ANK2: variants seen among roughly 807,000 people sequenced by gnomAD.
ANK2 encodes the protein ankyrin-2.
A neutral mutation model predicts 360.5 loss-of-function variants in ANK2; 83 were observed. The ratio of observed to expected loss-of-function variants is 0.23; its 90% CI spans 0.19 to 0.28. The LOEUF (loss-of-function observed/expected upper bound fraction) is 0.28. Ranked by LOEUF, ANK2 falls within the 10% of genes least tolerant of loss-of-function variation. The probability of loss-of-function intolerance (pLI) is 1.00; values close to 1 mark genes in which losing one functional copy is unlikely to be tolerated. For synonymous variants in ANK2, 1,740 were observed against 1,759.5 expected, an observed-to-expected ratio of 0.99 and a Z score of 0.28; for missense variants, 4,201 against 4,795.7, an observed-to-expected ratio of 0.88 and a Z score of 3.66.
chr4:113,367,943 T>A (rs1367243348), intron 42 of ANK2, 92 bp downstream of exon 42: 2 of 1,477,632 alleles, frequency 1.4e-6, no homozygotes, highest in Non-Finnish European at 9.4e-7. Flanking sequence ...AGTTTTTAAA[T>A]ACTTTTTAAA....
intron 1 of ANK2, among the ~76,000 whole-genome samples, chr4:112,835,782 T>G (rs2060864186): frequency 6.6e-6 from 1 of 152,214 alleles, no homozygotes; most frequent in African/African-American, 2.4e-5. Context: ...TCTGCTAAAA[T>G]TTGAGGAATA....
At chr4:112,758,433 TAG>T in the ANK2 span, among the ~76,000 whole-genome samples, 1 of 152,244 alleles carries the variant, frequency 6.6e-6, no homozygotes, top group East Asian at 1.9e-4. Context: ...TTTTTTGAGA[TAG>T]AGTCTCACTC....
chr4:113,114,252 C>G (rs2094554363), intron 1 of ANK2, among the ~76,000 whole-genome samples: 1 of 152,026 alleles, frequency 6.6e-6, no homozygotes, highest in Non-Finnish European at 1.5e-5. Context: ...AGAGCCATCC[C>G]AAGGAAAGAT....
At chr4:113,148,518 G>T (rs763209602) in intron 1 of ANK2, among the ~76,000 whole-genome samples, 2 of 151,778 alleles carry the variant, frequency 1.3e-5, no homozygotes, top group Admixed American at 1.3e-4. Flanking sequence ...CAGGTTTTTC[G>T]TATGAGCTTT....
intron 1 of ANK2, among the ~76,000 whole-genome samples, chr4:112,824,077 C>T (rs979886312): frequency 3.9e-5 from 6 of 152,016 alleles, no homozygotes; most frequent in Admixed American, 2.0e-4. Flanking sequence ...GGAGAGTTTC[C>T]TTGTAAAAAT....
chr4:112,847,618 A>G (rs1460305639), intron 1 of ANK2, among the ~76,000 whole-genome samples: 1 of 152,152 alleles, frequency 6.6e-6, no homozygotes, highest in African/African-American at 2.4e-5. Flanking sequence ...AATATCTGTA[A>G]TGACCTTCCA....
intron 2 of ANK2, among the ~76,000 whole-genome samples, chr4:112,988,914 C>T (rs893881478): frequency 6.6e-6 from 1 of 152,114 alleles, no homozygotes; most frequent in African/African-American, 2.4e-5. Flanking sequence ...TTCTGATGGT[C>T]TCCTAATAGT....
chr4:112,746,847 T>TA, the ANK2 span, among the ~76,000 whole-genome samples: 1 of 152,208 alleles, frequency 6.6e-6, no homozygotes, highest in African/African-American at 2.4e-5. Flanking sequence ...TATTCAATGA[T>TA]AAAAAAGACA....
At chr4:112,900,110 C>A (rs1467243122) in intron 1 of ANK2, among the ~76,000 whole-genome samples, 1 of 152,138 alleles carries the variant, frequency 6.6e-6, no homozygotes, top group Non-Finnish European at 1.5e-5. Context: ...AAATCGTCAT[C>A]ATTTTACTAA....
At chr4:113,025,902 G>A (rs1248933773) in intron 2 of ANK2, among the ~76,000 whole-genome samples, 1 of 152,062 alleles carries the variant, frequency 6.6e-6, no homozygotes, top group East Asian at 1.9e-4. Context: ...ATGATATAAA[G>A]GTGAACTTAT....
intron 2 of ANK2, among the ~76,000 whole-genome samples, chr4:112,919,788 C>T (rs892448274): frequency 2.0e-5 from 3 of 151,910 alleles, no homozygotes; most frequent in African/African-American, 7.3e-5. Context: ...AATACAAAAG[C>T]GAACTTTAAG....
Position 113,358,324 on chromosome 4 carries a change from C to A in ANK2, c.9706C>A (p.Leu3236Ile). Residue 3236 changes from leucine (L) to isoleucine (I), a missense_variant, in exon 38 of 46, where the codon CTC becomes ATC. By Grantham distance (5) the Leu-to-Ile change is conservative. This residue lies in a region of ANK2 where 2,642 missense variants were observed against 2,714.5 expected (regional missense o/e 0.97). Transcript: ENST00000357077. ...CGTGCAAACGGGTGATATACCTCCT[C>A]TCTCTGGTGTAAAGCAGATATCCTG... ...PTVQTGDIPPLSGVKQISCPD... is the reference protein window; with the variant it reads ...PTVQTGDIPPISGVKQISCPD... The A allele has an allele frequency of 6.2e-7, 1 of 1,613,548 alleles. No individual in the cohort carries two copies. The highest frequency in any genetic ancestry group is 8.5e-7 in the Non-Finnish European group (1 of 1,179,570).
chr4:113,142,676 G>A (rs1443053658), intron 1 of ANK2, among the ~76,000 whole-genome samples: 1 of 151,952 alleles, frequency 6.6e-6, no homozygotes, highest in Non-Finnish European at 1.5e-5. Flanking sequence ...TATTCACCAA[G>A]CAGAAAGTTT....
chr4:113,193,196 A>T (rs1417894084), intron 2 of ANK2, among the ~76,000 whole-genome samples: 1 of 152,218 alleles, frequency 6.6e-6, no homozygotes, highest in Non-Finnish European at 1.5e-5. Flanking sequence ...ACATTAAATT[A>T]TCATTTGGGA....
chr4:113,163,425 G>A (rs747606480), intron 1 of ANK2, among the ~76,000 whole-genome samples: 1 of 151,902 alleles, frequency 6.6e-6, no homozygotes, highest in East Asian at 1.9e-4. Context: ...AGAAAAATGG[G>A]CTTTTGTCAT....
the ANK2 span, among the ~76,000 whole-genome samples, chr4:112,713,015 G>T: frequency 2.6e-5 from 4 of 152,090 alleles, no homozygotes; most frequent in East Asian, 5.8e-4. Context: ...TCAAACAAAG[G>T]CTTCTCCTAC....
chr4:112,745,643 C>T, the ANK2 span, among the ~76,000 whole-genome samples: 1 of 150,728 alleles, frequency 6.6e-6, no homozygotes, highest in Non-Finnish European at 1.5e-5. Context: ...AAGTGATTCT[C>T]CTGCCTCAGC....
chr4:113,355,322 G>A lies in ANK2; in HGVS notation c.6704G>A (p.Gly2235Asp), dbSNP rs1644463303. 3.1e-6 allele frequency: 5 copies of A among 1,613,996 alleles called. No individual in the cohort carries two copies. Among genetic ancestry groups the A allele is most frequent in the Non-Finnish European group, 4.2e-6 (5 of 1,179,974 alleles). The change falls in exon 38 of 46, where the codon GGC (glycine) becomes GAC (aspartate). Residue 2235 changes from glycine to aspartate, a missense_variant. Around this residue, in one of 4 missense-constraint regions of ANK2, gnomAD observed 2,642 missense variants for 2,714.5 expected, o/e 0.97. Transcript: ENST00000357077. ...ISSEESYKHE[G>D]LAETPETSPE... ...TCAGAAGAAAGCTATAAGCATGAAGGCCTAGCAGAGACCCCTGAGACGAGC... is the reference window on the plus strand; with the variant it reads ...TCAGAAGAAAGCTATAAGCATGAAGACCTAGCAGAGACCCCTGAGACGAGC...
In ANK2 at chr4:113,014,219, A is replaced by G. The variant is rs556167310; in HGVS notation, c.21+109705A>G. Among the ~76,000 whole-genome samples, 7 of 152,356 alleles carry G rather than the reference A, an allele frequency of 4.6e-5. No individual in the cohort carries two copies. In the South Asian group the frequency reaches 6.2e-4, roughly 14 times the overall value. ...AGAAAATATTTGAAGGTTCCCTAGG[A>G]TGGCTGGGTAATCAATAAATATCAA... On this transcript the variant is annotated intron_variant, in intron 2 of 30. Transcript: ENST00000503271.
Sources: gnomAD v4.1 joint callset for allele counts (sites outside exome capture counted in the v4.1 genomes callset) on GRCh38, gnomAD v4.1.1 for gene constraint, gnomAD v4.1.1 regional missense constraint, MANE v1.5 for transcripts, NCBI Gene and HGNC (gene_info 2026-07-23, HGNC 2026-07-21) for gene names.